The following ITPR1 variants were observed in gnomAD, a reference collection of about 807,000 sequenced individuals.
ITPR1 encodes inositol 1,4,5-trisphosphate receptor type 1, also known as inositol 1,4,5-trisphosphate-gated calcium channel ITPR1.
A neutral mutation model predicts 318.4 loss-of-function variants in ITPR1; 96 were observed. The observed-to-expected ratio is 0.30, with a 90% CI of 0.26 to 0.36. The LOEUF (loss-of-function observed/expected upper bound fraction) is 0.36, where lower values mean the gene tolerates loss of function less well. Ranked by LOEUF, ITPR1 falls within the 10% of genes least tolerant of loss-of-function variation. The pLI is 1.00. For synonymous variants in ITPR1, 1,312 were observed against 1,289.9 expected, an observed-to-expected ratio of 1.02 and a Z score of -0.37; for missense variants, 2,440 against 3,460.2, an observed-to-expected ratio of 0.71 and a Z score of 7.40.
At chr3:4,496,697 A>C (rs999696670) in intron 2 of ITPR1, among the ~76,000 whole-genome samples, 49 of 152,216 alleles carry the variant, frequency 3.2e-4, no homozygotes, top group African/African-American at 1.1e-3. Flanking sequence ...GAGAGTGGGC[A>C]GAGAGAAAGA....
intron 58 of ITPR1, 106 bp downstream of exon 58, chr3:4,814,668 C>A: frequency 9.6e-7 from 1 of 1,046,276 alleles, no homozygotes; most frequent in Non-Finnish European, 1.4e-6. Flanking sequence ...AGAGGAAGAG[C>A]TGGGAGTAGG....
chr3:4,771,030 G>T lies in ITPR1; in HGVS notation c.5979+2266G>T, dbSNP rs118075295. Among the ~76,000 whole-genome samples, 43 of 152,296 alleles carry T rather than the reference G, an allele frequency of 2.8e-4. No homozygotes were observed. The East Asian group carries it at 6.9e-3, about 25-fold the overall frequency. On this transcript the variant is annotated intron_variant, in intron 46 of 61. Transcript: ENST00000649015. Reference sequence around the variant, plus strand: ...TGGGGACTGTTTCTGAGCAGAGCATGGTGATCAGTGCCCCTGTACTATTCC... The same window carrying T: ...TGGGGACTGTTTCTGAGCAGAGCATTGTGATCAGTGCCCCTGTACTATTCC...
chr3:4,814,369 G>A (rs577514713), intron 57 of ITPR1, 54 bp from the exon 58 acceptor site: 76 of 1,593,990 alleles, frequency 4.8e-5, no homozygotes, highest in Non-Finnish European at 5.3e-5. Flanking sequence ...TCAAAATCCC[G>A]GTCTCTCTTT....
chr3:4,574,884 G>A (rs1402531469), intron 4 of ITPR1, among the ~76,000 whole-genome samples: 3 of 152,222 alleles, frequency 2.0e-5, no homozygotes, highest in Non-Finnish European at 4.4e-5. Context: ...GGCTTCTGGG[G>A]TCTTTGGATA....
chr3:4,590,584 AATT>A, intron 4 of ITPR1, among the ~76,000 whole-genome samples: 1 of 150,574 alleles, frequency 6.6e-6, no homozygotes, highest in Admixed American at 6.6e-5. Context: ...AATAATTACT[AATT>A]ATTATTATTA....
chr3:4,782,546 T>C, intron 49 of ITPR1, 73 bp from the exon 50 acceptor site: 1 of 1,436,362 alleles, frequency 7.0e-7, no homozygotes. Flanking sequence ...ACAGCCAGTG[T>C]GCATGCTGTC....
At chr3:4,647,437 T>C (rs1288894939) in intron 10 of ITPR1, among the ~76,000 whole-genome samples, 1 of 152,224 alleles carries the variant, frequency 6.6e-6, no homozygotes, top group African/African-American at 2.4e-5. Context: ...ATTGGCTGGA[T>C]CATATGGTAG....
rs1247663455 is a variant in ITPR1, at chr3:4,665,308, G to A, written c.1713+12G>A. On this transcript the variant is annotated intron_variant, in intron 17 of 61. Coordinates refer to ENST00000649015, the MANE Select transcript of ITPR1 (RefSeq NM_001378452.1). ...ACAGGAAGAACCAGGTTTGGATTAAGCATTGGTGGGATGTGGTTGTCAGTT... is the reference window on the plus strand; with the variant it reads ...ACAGGAAGAACCAGGTTTGGATTAAACATTGGTGGGATGTGGTTGTCAGTT... 1.3e-6 allele frequency: 2 copies of A among 1,597,560 alleles called. No individual in the cohort carries two copies. The highest frequency in any genetic ancestry group is 2.2e-5 in the East Asian group (1 of 44,512).
intron 4 of ITPR1, among the ~76,000 whole-genome samples, chr3:4,557,863 A>G (rs968682937): frequency 1.3e-5 from 2 of 152,186 alleles, no homozygotes; most frequent in African/African-American, 4.8e-5. Flanking sequence ...CTAAAAAAAT[A>G]TGGTTATTTT....
At chr3:4,813,743 G>A (rs2049092291) in intron 57 of ITPR1, among the ~76,000 whole-genome samples, 1 of 152,044 alleles carries the variant, frequency 6.6e-6, no homozygotes. Flanking sequence ...AAGGAGAGTG[G>A]CAAGAAATGA....
intron 61 of ITPR1, among the ~76,000 whole-genome samples, chr3:4,842,594 C>G (rs1489444029): frequency 1.3e-5 from 2 of 152,190 alleles, no homozygotes; most frequent in Non-Finnish European, 2.9e-5. Context: ...TCTCGAACTC[C>G]TGGCCTCAAG....
At chr3:4,543,290 A>G (rs933549278) in intron 4 of ITPR1, among the ~76,000 whole-genome samples, 22 of 151,968 alleles carry the variant, frequency 1.4e-4, no homozygotes, top group African/African-American at 5.3e-4. Flanking sequence ...AAAAAGAAAA[A>G]AGCAATTCTA....
Position 4,553,601 on chromosome 3 carries a change from C to CTTTTT in ITPR1, c.163+32519_163+32523dup, listed in dbSNP as rs35264136. On this transcript the variant is annotated intron_variant, in intron 4 of 61. Coordinates refer to ENST00000649015, the MANE Select transcript of ITPR1 (RefSeq NM_001378452.1). Reference sequence around the variant, plus strand: ...GCGTGCCACCACGCCTGGATAATTTCTTTTTTTTTTTTTTTTGAGACAGAG... The same window carrying CTTTTT: ...GCGTGCCACCACGCCTGGATAATTTCTTTTTTTTTTTTTTTTTTTTTGAGACAGAG... Among the ~76,000 whole-genome samples, 130 of 134,344 alleles carry CTTTTT rather than the reference C, an allele frequency of 9.7e-4. 1 individual carries two copies. Among genetic ancestry groups the CTTTTT allele is most frequent in the Middle Eastern group, 7.5e-3 (2 of 266 alleles). The allele number at this position is 134,344 out of a possible 152,430, so 88.1% of individuals were successfully genotyped here.
intron 4 of ITPR1, among the ~76,000 whole-genome samples, chr3:4,571,955 C>T (rs1049626527): frequency 6.6e-6 from 1 of 152,150 alleles, no homozygotes; most frequent in Non-Finnish European, 1.5e-5. Flanking sequence ...GCTCAAGCAC[C>T]TACTATGAAT....
chr3:4,806,006 C>T (rs953597619), intron 54 of ITPR1, 97 bp from the exon 55 acceptor site: 83 of 1,065,272 alleles, frequency 7.8e-5, no homozygotes, highest in Middle Eastern at 4.4e-4. Context: ...TGTTTGGGCA[C>T]GGTGACTGAA....
intron 5 of ITPR1, among the ~76,000 whole-genome samples, chr3:4,635,489 C>T (rs960440132): frequency 9.2e-5 from 14 of 151,930 alleles, no homozygotes; most frequent in African/African-American, 1.9e-4. Flanking sequence ...TACAGGTGCC[C>T]GCCACCACGC....
chr3:4,735,214 G>A lies in ITPR1; in HGVS notation c.5404G>A (p.Glu1802Lys), dbSNP rs750703756. 3 of 1,613,978 alleles carry A rather than the reference G, an allele frequency of 1.9e-6. No homozygotes were observed. The highest frequency in any genetic ancestry group is 2.5e-6 in the Non-Finnish European group (3 of 1,179,864). ...SMSRGEMSLAEVQCHLDKEGA... is the reference protein window; with the variant it reads ...SMSRGEMSLAKVQCHLDKEGA... ...GAGCAGGGGTGAGATGAGTCTGGCC[G>A]AGGTTCAGTGTCACCTTGACAAGGA... Residue 1802 changes from glutamate to lysine, a missense_variant, in exon 44 of 62, where the codon GAG becomes AAG. Transcript: ENST00000649015.
chr3:4,644,670 C>T (rs1352534447), intron 8 of ITPR1, among the ~76,000 whole-genome samples: 1 of 152,166 alleles, frequency 6.6e-6, no homozygotes, highest in Non-Finnish European at 1.5e-5. Context: ...ATCTACTTCT[C>T]CTCTAAATTA....
chr3:4,700,037 G>A, intron 35 of ITPR1, 96 bp downstream of exon 35: 1 of 1,084,700 alleles, frequency 9.2e-7, no homozygotes, highest in Non-Finnish European at 1.4e-6. Flanking sequence ...AAATGAACTG[G>A]TCTGCAAGGC....
Sources: gnomAD v4.1 joint callset for allele counts (sites outside exome capture counted in the v4.1 genomes callset) on GRCh38, gnomAD v4.1.1 for gene constraint, MANE v1.5 for transcripts, NCBI Gene and HGNC (gene_info 2026-07-23, HGNC 2026-07-21) for gene names.